The following TRPM3 variants were observed in gnomAD, a reference collection of about 807,000 sequenced individuals.
The protein encoded by TRPM3 is transient receptor potential cation channel subfamily M member 3, also known as long transient receptor potential channel 3.
TRPM3 carries 77 observed loss-of-function variants against 181.2 expected under a neutral mutation model. The ratio of observed to expected loss-of-function variants is 0.42; its 90% CI spans 0.35 to 0.51. The LOEUF (loss-of-function observed/expected upper bound fraction) is 0.51. Among genes scored for constraint, TRPM3 ranks in the 20% least tolerant of loss-of-function variants. The probability of loss-of-function intolerance (pLI) is 0.01; values close to 1 mark genes in which losing one functional copy is unlikely to be tolerated. For missense variants in TRPM3, 1,759 were observed against 2,196.7 expected (o/e 0.80, Z 3.98); for synonymous variants, 745 against 796.4 (o/e 0.94, Z 1.09).
intron 1 of TRPM3, among the ~76,000 whole-genome samples, chr9:70,979,763 C>T (rs1377801258): frequency 6.6e-6 from 1 of 152,104 alleles, no homozygotes. Flanking sequence ...TCTCACAGTT[C>T]TGGAGGCTGA....
intron 1 of TRPM3, among the ~76,000 whole-genome samples, chr9:71,363,632 C>A (rs75494105): frequency 6.6e-6 from 1 of 152,174 alleles, no homozygotes; most frequent in Non-Finnish European, 1.5e-5. Flanking sequence ...TAAAAATGTG[C>A]TTTGTAAAAT....
intron 1 of TRPM3, among the ~76,000 whole-genome samples, chr9:70,879,892 CTG>C (rs769890499): frequency 4.6e-5 from 7 of 152,122 alleles, no homozygotes; most frequent in Admixed American, 1.3e-4. Flanking sequence ...CATGCTGCAC[CTG>C]TGTGTGCACA....
At chr9:70,629,889 C>T (rs2065477898) in intron 12 of TRPM3, among the ~76,000 whole-genome samples, 1 of 152,134 alleles carries the variant, frequency 6.6e-6, no homozygotes, top group Non-Finnish European at 1.5e-5. Context: ...GAGTGGAAAC[C>T]TTCTTCGGGA....
intron 1 of TRPM3, among the ~76,000 whole-genome samples, chr9:71,135,790 A>AC (rs1273861183): frequency 1.3e-5 from 2 of 152,054 alleles, no homozygotes; most frequent in African/African-American, 2.4e-5. Context: ...GGCAAAAAAA[A>AC]CCCCCAGCAA....
intron 22 of TRPM3, among the ~76,000 whole-genome samples, chr9:70,580,946 G>T (rs2055481876): frequency 1.3e-5 from 2 of 152,204 alleles, no homozygotes; most frequent in Admixed American, 1.3e-4. Context: ...AGGCAACAAA[G>T]TATGTCTTTT....
chr9:71,143,316 T>C (rs1396828886), intron 1 of TRPM3, among the ~76,000 whole-genome samples: 1 of 152,070 alleles, frequency 6.6e-6, no homozygotes, highest in Admixed American at 6.5e-5. Context: ...ATTCATTATT[T>C]TTCCTGATCC....
chr9:71,438,595 C>T (rs1179070694), intron 1 of TRPM3, among the ~76,000 whole-genome samples: 1 of 152,168 alleles, frequency 6.6e-6, no homozygotes, highest in African/African-American at 2.4e-5. Context: ...ATCACCTGAG[C>T]CCGGGAGGCT....
chr9:71,279,896 G>A (rs1323994466), intron 1 of TRPM3, among the ~76,000 whole-genome samples: 1 of 152,022 alleles, frequency 6.6e-6, no homozygotes, highest in Non-Finnish European at 1.5e-5. Flanking sequence ...TGACCAACAT[G>A]GTGAAACCCC....
At chr9:70,688,295 T>A (rs200016364) in intron 8 of TRPM3, among the ~76,000 whole-genome samples, 7 of 152,078 alleles carry the variant, frequency 4.6e-5, no homozygotes, top group South Asian at 2.1e-4. Flanking sequence ...CCCAAAACTT[T>A]AAAAAAATTA....
chr9:70,836,508 A>G (rs1760275193), intron 5 of TRPM3, among the ~76,000 whole-genome samples: 1 of 152,152 alleles, frequency 6.6e-6, no homozygotes. Context: ...AGTGATATCC[A>G]TCTTGATGAA....
intron 1 of TRPM3, among the ~76,000 whole-genome samples, chr9:71,395,923 G>GT (rs1336003758): frequency 1.3e-5 from 2 of 152,172 alleles, no homozygotes; most frequent in Non-Finnish European, 2.9e-5. Flanking sequence ...TTTGGGGAAT[G>GT]TACAAAGGTG....
intron 1 of TRPM3, among the ~76,000 whole-genome samples, chr9:71,341,829 C>T (rs953446386): frequency 5.9e-5 from 9 of 151,824 alleles, no homozygotes; most frequent in African/African-American, 2.2e-4. Flanking sequence ...TATATGAGGA[C>T]ATTCCACTTT....
At chr9:71,283,275 G>C (rs2084995605) in intron 1 of TRPM3, among the ~76,000 whole-genome samples, 1 of 152,036 alleles carries the variant, frequency 6.6e-6, no homozygotes, top group African/African-American at 2.4e-5. Context: ...CCATGCTGTA[G>C]CATGTGTCAG....
intron 1 of TRPM3, among the ~76,000 whole-genome samples, chr9:71,027,058 C>T (rs1187612293): frequency 6.6e-6 from 1 of 152,116 alleles, no homozygotes; most frequent in Non-Finnish European, 1.5e-5. Flanking sequence ...GTGGCTGCCA[C>T]CACCCATCAA....
chr9:71,071,238 C>T (rs762175835), intron 1 of TRPM3, among the ~76,000 whole-genome samples: 1 of 152,132 alleles, frequency 6.6e-6, no homozygotes, highest in Non-Finnish European at 1.5e-5. Context: ...AAGAGGCCAC[C>T]TTAGAAGCCG....
chr9:70,619,166 T>G, intron 16 of TRPM3, 71 bp from the exon 17 acceptor site: 1 of 1,320,122 alleles, frequency 7.6e-7, no homozygotes, highest in South Asian at 1.3e-5. Flanking sequence ...GTGGACCTGC[T>G]GGCCAACCAG....
intron 1 of TRPM3, among the ~76,000 whole-genome samples, chr9:71,218,419 T>C (rs10868985): frequency 0.4 from 61,008 of 151,750 alleles, 13,037 homozygotes; most frequent in East Asian, 0.52. Flanking sequence ...AATTAAAGCA[T>C]GGTATGATTA....
At chr9:71,374,404 C>CA (rs532052058) in intron 1 of TRPM3, among the ~76,000 whole-genome samples, 45 of 151,214 alleles carry the variant, frequency 3.0e-4, no homozygotes, top group South Asian at 1.7e-3. Context: ...AAAAACAAAA[C>CA]AAAAAAAACC....
intron 1 of TRPM3, among the ~76,000 whole-genome samples, chr9:71,134,844 G>A (rs2074666275): frequency 6.6e-6 from 1 of 152,166 alleles, no homozygotes; most frequent in African/African-American, 2.4e-5. Context: ...TAAGCTCTGT[G>A]GACTTACAGC....
Sources: gnomAD v4.1 joint callset for allele counts (sites outside exome capture counted in the v4.1 genomes callset) on GRCh38, gnomAD v4.1.1 for gene constraint, MANE v1.5 for transcripts, NCBI Gene and HGNC (gene_info 2026-07-23, HGNC 2026-07-21) for gene names.